The following BACE2 variants were observed in gnomAD, a reference collection of about 807,000 sequenced individuals.
The protein encoded by BACE2 is beta-secretase 2.
In BACE2, 17 loss-of-function variants were observed where a neutral mutation model predicts 46.2. The observed-to-expected ratio is 0.37, with a 90% confidence interval of 0.25 to 0.55. The LOEUF is 0.55. BACE2 is among the 20% of genes least tolerant of loss of function. BACE2 has a pLI of 0.82. For synonymous variants in BACE2, 277 were observed against 295.9 expected (o/e 0.94, Z 0.66); for missense variants, 595 against 698.1 (o/e 0.85, Z 1.66).
At chr21:41,192,337 T>G (rs1985601736) in intron 1 of BACE2, among the ~76,000 whole-genome samples, 1 of 152,216 alleles carries the variant, frequency 6.6e-6, no homozygotes, top group Non-Finnish European at 1.5e-5. Flanking sequence ...CTTCCTCATG[T>G]AACTTACTTG....
chr21:41,196,147 A>T (rs975652265), intron 1 of BACE2, among the ~76,000 whole-genome samples: 2 of 151,874 alleles, frequency 1.3e-5, no homozygotes, highest in Admixed American at 6.6e-5. Context: ...TAAAAATAAA[A>T]ATTAGCCAGG....
At chr21:41,220,905 C>T (rs868864611) in intron 1 of BACE2, among the ~76,000 whole-genome samples, 1 of 151,774 alleles carries the variant, frequency 6.6e-6, no homozygotes, top group Middle Eastern at 3.4e-3. Flanking sequence ...ATTTAGAGTG[C>T]CTTTGCTGGC....
In BACE2 at chr21:41,208,215, G is replaced by A. The variant is rs1416999942; in HGVS notation, c.313-18051G>A. Among the ~76,000 whole-genome samples, 6 of 152,342 alleles carry A rather than the reference G, an allele frequency of 3.9e-5. No individual in the cohort carries two copies. The East Asian group carries it at 1.2e-3, about 29-fold the overall frequency. On this transcript the variant is annotated intron_variant, in intron 1 of 8. Transcript: ENST00000330333. The stretch of plus-strand genomic sequence containing the variant: ...ACCTTTCTAAGGGTGGTGGCCTACA[G>A]GATTAGTTTCTCTTTCTCTTCCAAG...
intron 2 of BACE2, 43 bp downstream of exon 2, chr21:41,226,397 G>A: frequency 3.2e-6 from 5 of 1,539,886 alleles, no homozygotes; most frequent in Non-Finnish European, 4.4e-6. Context: ...CCGGGGCACT[G>A]CATGATCAAC....
intron 1 of BACE2, among the ~76,000 whole-genome samples, chr21:41,200,164 A>G (rs1005829839): frequency 1.9e-4 from 29 of 151,620 alleles, no homozygotes; most frequent in African/African-American, 6.8e-4. Context: ...CATTGTGCAC[A>G]TGTACCCTAA....
chr21:41,278,948 T>C lies in BACE2; in HGVS notation c.*3324T>C, dbSNP rs184188734. ...AATAATGGAGTGGAATCCCCATGTG[T>C]TTTCTCTTGCACAAACTTATTAGAC... On this transcript the variant is annotated 3_prime_UTR_variant, in exon 9 of 9. Coordinates refer to ENST00000330333, the MANE Select transcript of BACE2 (RefSeq NM_012105.5). The C allele has an allele frequency of 1.6e-4, 24 of 152,330 alleles. No homozygotes were observed. The East Asian group carries it at 4.4e-3, about 28-fold the overall frequency. The allele number at this position is 152,330 out of a possible 1,614,324, so 9.4% of individuals were successfully genotyped here. A position where few individuals can be genotyped will look rare whatever the true frequency, so the allele number is the denominator to read the frequency against.
intron 1 of BACE2, among the ~76,000 whole-genome samples, chr21:41,171,733 G>A (rs1984617849): frequency 6.6e-6 from 1 of 152,216 alleles, no homozygotes; most frequent in African/African-American, 2.4e-5. Context: ...AGGAGAAGGT[G>A]TGCAGCCATA....
intron 6 of BACE2, among the ~76,000 whole-genome samples, chr21:41,247,643 C>T (rs1347026452): frequency 2.6e-5 from 4 of 152,236 alleles, no homozygotes; most frequent in Admixed American, 1.3e-4. Flanking sequence ...GACCCCTGTG[C>T]CGTGAGAGGC....
chr21:41,210,497 T>C (rs914180), intron 1 of BACE2, among the ~76,000 whole-genome samples: 98,434 of 152,106 alleles, frequency 0.65, 33,093 homozygotes, highest in East Asian at 0.94. Flanking sequence ...TCTGTTCTCA[T>C]GGCACAGCGT....
At chr21:41,172,521 T>C (rs745407721) in intron 1 of BACE2, among the ~76,000 whole-genome samples, 4 of 152,194 alleles carry the variant, frequency 2.6e-5, no homozygotes, top group Non-Finnish European at 4.4e-5. Context: ...GCCACACTAG[T>C]GAAGGCAAAG....
chr21:41,230,005 G>T (rs1986928249), intron 2 of BACE2: 1 of 152,208 alleles, frequency 6.6e-6, no homozygotes, highest in Non-Finnish European at 1.5e-5. Flanking sequence ...GCCCCTCAAT[G>T]GTTGGTTTCA....
In BACE2 at chr21:41,241,968, A is replaced by C. The variant is rs749133854; in HGVS notation, c.747+21A>C. ...GTCTTGTGGGTATCTTTTAGTCTTA[A>C]AGGGGCGAAAAATCACAGATGGATG... On this transcript the variant is annotated intron_variant, in intron 4 of 8. Coordinates refer to ENST00000330333, the MANE Select transcript of BACE2 (RefSeq NM_012105.5). 3.1e-6 allele frequency: 5 copies of C among 1,611,262 alleles called. No homozygotes were observed. In the Admixed American group the frequency reaches 8.4e-5, roughly 27 times the overall value.
intron 1 of BACE2, among the ~76,000 whole-genome samples, chr21:41,187,783 T>G (rs1440181071): frequency 6.6e-6 from 1 of 152,146 alleles, no homozygotes; most frequent in Non-Finnish European, 1.5e-5. Context: ...GCTCTGAACG[T>G]TAAGAGCTTG....
At chr21:41,173,468 G>A (rs768413627) in intron 1 of BACE2, among the ~76,000 whole-genome samples, 15 of 152,194 alleles carry the variant, frequency 9.9e-5, no homozygotes, top group Non-Finnish European at 1.9e-4. Context: ...CAGGCGGGGC[G>A]CGGTGGCTCA....
intron 2 of BACE2, among the ~76,000 whole-genome samples, chr21:41,235,481 G>A (rs761134120): frequency 3.3e-5 from 5 of 152,172 alleles, no homozygotes; most frequent in Non-Finnish European, 5.9e-5. Flanking sequence ...TCTCAGAAGT[G>A]CAGTTACTGA....
At chr21:41,258,547 TG>T (rs1196832684) in intron 8 of BACE2, among the ~76,000 whole-genome samples, 1 of 152,218 alleles carries the variant, frequency 6.6e-6, no homozygotes, top group African/African-American at 2.4e-5. Context: ...ACCTAAAACA[TG>T]GTCTTAAAAC....
At chr21:41,247,026 C>T (rs1446401500) in intron 6 of BACE2, among the ~76,000 whole-genome samples, 2 of 152,154 alleles carry the variant, frequency 1.3e-5, no homozygotes, top group African/African-American at 2.4e-5. Flanking sequence ...CTGGGCCTTC[C>T]TTGTGAGATC....
chr21:41,209,298 C>T (rs191273440), intron 1 of BACE2, among the ~76,000 whole-genome samples: 3 of 152,324 alleles, frequency 2.0e-5, no homozygotes, highest in African/African-American at 4.8e-5. Context: ...TCCACTCGCC[C>T]GAGCCGGGCT....
In BACE2 at chr21:41,275,472, T is replaced by G. The variant is rs777728743; in HGVS notation, c.1405T>G (p.Trp469Gly). 1 of 1,614,188 alleles carries G rather than the reference T, an allele frequency of 6.2e-7. No homozygotes were observed. Among genetic ancestry groups the G allele is most frequent in the Non-Finnish European group, 8.5e-7 (1 of 1,180,038 alleles). Residue 469 changes from tryptophan (W) to glycine (G), a missense_variant, in exon 9 of 9, where the codon TGG becomes GGG. By Grantham distance (184) the Trp-to-Gly change is radical. Coordinates refer to ENST00000330333, the MANE Select transcript of BACE2 (RefSeq NM_012105.5). ...TCAGTCTTTGAGCGAGCCCATTTTGTGGATTGTGTCCTATGCGCTCATGAG... is the reference window on the plus strand; with the variant it reads ...TCAGTCTTTGAGCGAGCCCATTTTGGGGATTGTGTCCTATGCGCTCATGAG... ...PAQSLSEPIL[W>G]IVSYALMSVC...
Sources: allele counts gnomAD v4.1 joint callset (sites outside exome capture counted in the v4.1 genomes callset), GRCh38; gene constraint gnomAD v4.1.1; transcripts MANE v1.5; gene names NCBI Gene and HGNC (gene_info 2026-07-23, HGNC 2026-07-21).